Variants in MAPK10 observed in about 807,000 individuals in gnomAD.
MAPK10 encodes the protein mitogen-activated protein kinase 10.
In MAPK10, 25 loss-of-function variants were observed where a neutral mutation model predicts 59.3. The observed-to-expected ratio is 0.42, with a 90% CI of 0.31 to 0.59. The LOEUF is 0.59. Ranked by LOEUF, MAPK10 falls within the 20% of genes least tolerant of loss-of-function variation. The pLI, the probability that MAPK10 is intolerant of heterozygous loss-of-function variation, is 0.15. For synonymous variants in MAPK10, 190 were observed against 200.5 expected, an observed-to-expected ratio of 0.95 and a Z score of 0.44; for missense variants, 351 against 568.9, an observed-to-expected ratio of 0.62 and a Z score of 3.90.
chr4:86,286,679 T>G (rs566014900), intron 2 of MAPK10, among the ~76,000 whole-genome samples: 1 of 152,262 alleles, frequency 6.6e-6, no homozygotes, highest in South Asian at 2.1e-4. Context: ...ACTCCAGAGC[T>G]CCTGCCTTTA....
At chr4:86,270,134 C>T (rs2094387999) in intron 2 of MAPK10, among the ~76,000 whole-genome samples, 1 of 151,912 alleles carries the variant, frequency 6.6e-6, no homozygotes, top group Admixed American at 6.6e-5. Flanking sequence ...TTAACTTATT[C>T]CAGCATCCAT....
intron 11 of MAPK10, among the ~76,000 whole-genome samples, chr4:86,044,174 A>G (rs149541021): frequency 2.0e-5 from 3 of 152,182 alleles, no homozygotes; most frequent in Non-Finnish European, 4.4e-5. Context: ...AGAATGTGCA[A>G]TATATTGTGA....
chr4:86,152,028 G>A (rs2066599956), intron 4 of MAPK10: 1 of 152,214 alleles, frequency 6.6e-6, no homozygotes, highest in Non-Finnish European at 1.5e-5. Context: ...CCTCGAGGCG[G>A]AGGTGACCAC....
At chr4:86,337,308 T>C (rs1578469699) in intron 2 of MAPK10, among the ~76,000 whole-genome samples, 1 of 152,316 alleles carries the variant, frequency 6.6e-6, no homozygotes, top group East Asian at 1.9e-4. Flanking sequence ...AATTTTAAAA[T>C]GATTTTCTGC....
rs182607304 is a variant in MAPK10 at position 86,556,163 on chromosome 4, T to C, written c.-263+37747A>G. ...ATTCCTGAAGAAGGATGGGAACAAT[T>C]CATGCTAGCAATGTAATATATGTTT... is the stretch of plus-strand genomic sequence containing the variant. On this transcript the variant is annotated intron_variant, in intron 1 of 4. Coordinates refer to the MAPK10 transcript ENST00000502302. Among the ~76,000 whole-genome samples the C allele has an allele frequency of 2.6e-5, 4 of 152,288 alleles. No homozygotes were observed. In the East Asian group the frequency reaches 7.7e-4, roughly 29 times the overall value.
intron 1 of MAPK10, among the ~76,000 whole-genome samples, chr4:86,471,249 A>T (rs1752633353): frequency 6.7e-6 from 1 of 148,324 alleles, no homozygotes; most frequent in African/African-American, 2.5e-5. Context: ...AGCCTGAGCG[A>T]CACAGCAAGA....
intron 1 of MAPK10, among the ~76,000 whole-genome samples, chr4:86,396,594 G>A (rs1459580549): frequency 6.6e-6 from 1 of 152,206 alleles, no homozygotes; most frequent in East Asian, 1.9e-4. Flanking sequence ...AATTTATAAA[G>A]AAAAGAGATT....
At chr4:86,121,286 T>TTATA (rs1433879693) in intron 4 of MAPK10, among the ~76,000 whole-genome samples, 3 of 152,182 alleles carry the variant, frequency 2.0e-5, no homozygotes, top group Non-Finnish European at 1.5e-5. Flanking sequence ...TGAGGGCTTG[T>TTATA]TCCTCATAGA....
At chr4:86,567,160 A>C (rs559509393) in intron 1 of MAPK10, among the ~76,000 whole-genome samples, 1 of 152,214 alleles carries the variant, frequency 6.6e-6, no homozygotes, top group Non-Finnish European at 1.5e-5. Flanking sequence ...ACTGTACATA[A>C]AAATCTTATT....
intron 10 of MAPK10, among the ~76,000 whole-genome samples, chr4:86,066,664 T>C (rs983869877): frequency 2.2e-4 from 32 of 147,618 alleles, no homozygotes; most frequent in African/African-American, 6.3e-4. Context: ...ACTCGGGAGG[T>C]TGAGGCAGGA....
chr4:86,116,204 C>T (rs949594834), intron 4 of MAPK10, among the ~76,000 whole-genome samples: 1 of 152,114 alleles, frequency 6.6e-6, no homozygotes, highest in Non-Finnish European at 1.5e-5. Flanking sequence ...ACTTCTTGGC[C>T]AAATAAGAAA....
chr4:86,062,142 C>G (rs2045874101), intron 11 of MAPK10, among the ~76,000 whole-genome samples: 1 of 152,126 alleles, frequency 6.6e-6, no homozygotes, highest in South Asian at 2.1e-4. Flanking sequence ...TGATTCCCAT[C>G]TCTTCACTAC....
chr4:86,398,939 G>T (rs1743326646), intron 1 of MAPK10, among the ~76,000 whole-genome samples: 1 of 152,122 alleles, frequency 6.6e-6, no homozygotes, highest in Non-Finnish European at 1.5e-5. Context: ...ACATGACTTT[G>T]TTCTTTTTTA....
At chr4:86,302,118 C>T (rs1385675061) in intron 2 of MAPK10, among the ~76,000 whole-genome samples, 1 of 152,152 alleles carries the variant, frequency 6.6e-6, no homozygotes, top group East Asian at 1.9e-4. Flanking sequence ...TGATAACCAG[C>T]CGAAGTCAGC....
intron 3 of MAPK10, chr4:86,171,136 T>C (rs530535904): frequency 6.6e-6 from 1 of 151,470 alleles, no homozygotes; most frequent in Admixed American, 6.6e-5. Flanking sequence ...AGATCCAAAA[T>C]TGACACCCTA....
intron 3 of MAPK10, among the ~76,000 whole-genome samples, chr4:86,168,954 G>C (rs1166591195): frequency 6.6e-6 from 1 of 152,262 alleles, no homozygotes; most frequent in Middle Eastern, 3.4e-3. Flanking sequence ...AGGCAAACAG[G>C]GTCTGGAGTG....
intron 2 of MAPK10, chr4:86,327,138 C>CTTT (rs11404211): frequency 2.6e-4 from 36 of 139,848 alleles, no homozygotes; most frequent in Non-Finnish European, 4.2e-4. Flanking sequence ...ACCCAGCTAA[C>CTTT]TTTTTTTTTT....
At chr4:86,220,214 T>C (rs1457583924) in intron 2 of MAPK10, among the ~76,000 whole-genome samples, 2 of 152,190 alleles carry the variant, frequency 1.3e-5, no homozygotes, top group African/African-American at 2.4e-5. Context: ...CATTTTATGA[T>C]TGGTTGAAAT....
chr4:86,530,531 C>T (rs934249429), intron 1 of MAPK10, among the ~76,000 whole-genome samples: 4 of 152,122 alleles, frequency 2.6e-5, no homozygotes, highest in Non-Finnish European at 5.9e-5. Context: ...TAAAAACAAC[C>T]GAAATTTATT....
Sources: allele counts gnomAD v4.1 joint callset (sites outside exome capture counted in the v4.1 genomes callset), GRCh38; gene constraint gnomAD v4.1.1; transcripts MANE v1.5; gene names NCBI Gene and HGNC (gene_info 2026-07-23, HGNC 2026-07-21).